The following BCAS3 variants were observed in gnomAD, a reference collection of about 807,000 sequenced individuals.
BCAS3 encodes the protein BCAS4/BCAS3 fusion.
A neutral mutation model predicts 116.1 loss-of-function variants in BCAS3; 53 were observed. That is an observed-to-expected ratio of 0.46 (90% CI 0.37 to 0.57). BCAS3 has a LOEUF of 0.57. Among genes scored for constraint, BCAS3 ranks in the 20% least tolerant of loss-of-function variants. The pLI is 0.00. For missense variants in BCAS3, 917 were observed against 1,165.4 expected, an observed-to-expected ratio of 0.79 and a Z score of 3.10; for synonymous variants, 391 against 408.2, an observed-to-expected ratio of 0.96 and a Z score of 0.51.
chr17:60,851,361 C>G (rs1245264644), intron 7 of BCAS3: 13 of 360,062 alleles, frequency 3.6e-5, no homozygotes, highest in African/African-American at 4.4e-5. Context: ...GCACCTGGCA[C>G]ACGTCCTCCC....
chr17:61,299,442 C>CAA (rs538072648), intron 22 of BCAS3, among the ~76,000 whole-genome samples: 91 of 57,040 alleles, frequency 1.6e-3, no homozygotes, highest in Non-Finnish European at 2.5e-3. Flanking sequence ...GACTCCATCT[C>CAA]AAAAAAAAAA....
rs1223160254 is a variant in BCAS3 at position 61,151,247 on chromosome 17, G to T, written c.2425+66683G>T. 1.3e-5 allele frequency among the ~76,000 whole-genome samples: 2 copies of T among 152,102 alleles called. No individual in the cohort carries two copies. Among genetic ancestry groups the T allele is most frequent in the Non-Finnish European group, 2.9e-5 (2 of 68,000 alleles). The stretch of plus-strand genomic sequence containing the variant: ...TTCATTGGAGGATTTTCGATCTTCA[G>T]ATTAGGGATTCTCAACCAGTAAGTA... On this transcript the variant is annotated intron_variant, in intron 22 of 23. Transcript: ENST00000407086. The surrounding 1 kb of genome is among the most constrained non-coding windows in gnomAD (Gnocchi z 4.8).
intron 5 of BCAS3, among the ~76,000 whole-genome samples, chr17:60,716,463 A>G (rs2038620645): frequency 6.6e-6 from 1 of 152,046 alleles, no homozygotes; most frequent in African/African-American, 2.4e-5. Flanking sequence ...GATTTCTTAA[A>G]TTTTTTCTCT....
chr17:61,046,012 T>A (rs1221967652), intron 19 of BCAS3, among the ~76,000 whole-genome samples: 7 of 9,022 alleles, frequency 7.8e-4, no homozygotes, highest in Non-Finnish European at 8.9e-4. Context: ...ATATATATAT[T>A]TATATATATA....
intron 4 of BCAS3, among the ~76,000 whole-genome samples, chr17:60,693,283 T>G (rs1371430959): frequency 6.6e-6 from 1 of 152,006 alleles, no homozygotes; most frequent in African/African-American, 2.4e-5. Flanking sequence ...GGTGAGAATA[T>G]AGTTTGAATC....
rs897575381 is a variant in BCAS3, at chr17:60,691,719, CT to C, written c.214+1971del. ...CTTAAAGACTTTTCAAATATGAAGCCTTTTTTTTTTTTTAGAGCCACCATCC... is the reference window on the plus strand; with the variant it reads ...CTTAAAGACTTTTCAAATATGAAGCCTTTTTTTTTTTTAGAGCCACCATCC... On this transcript the variant is annotated intron_variant, in intron 4 of 23. Transcript: ENST00000407086. Among the ~76,000 whole-genome samples the C allele has an allele frequency of 4.4e-3, 610 of 139,476 alleles. 1 individual carries two copies. The highest frequency in any genetic ancestry group is 5.3e-3 in the Non-Finnish European group (342 of 64,082). The allele number at this position is 139,476 out of a possible 152,430, so 91.5% of individuals were successfully genotyped here.
At chr17:60,786,689 C>T (rs762480479) in intron 6 of BCAS3, among the ~76,000 whole-genome samples, 6 of 151,970 alleles carry the variant, frequency 3.9e-5, no homozygotes, top group Non-Finnish European at 7.4e-5. Flanking sequence ...GTATGGGAGC[C>T]TGCATGATTG....
intron 7 of BCAS3, among the ~76,000 whole-genome samples, chr17:60,844,636 G>A (rs1412960662): frequency 6.6e-6 from 1 of 152,066 alleles, no homozygotes; most frequent in Non-Finnish European, 1.5e-5. Context: ...AAGGGGGAGG[G>A]CCCTTGTATC....
chr17:61,102,695 T>C (rs2074402262), intron 22 of BCAS3, among the ~76,000 whole-genome samples: 1 of 152,090 alleles, frequency 6.6e-6, no homozygotes, highest in African/African-American at 2.4e-5. Context: ...TTCCCATTTC[T>C]GTAGCTGACT....
In BCAS3 at chr17:60,918,380, C is replaced by A. The variant is rs982301003; in HGVS notation, c.994-6027C>A. On this transcript the variant is annotated intron_variant, in intron 12 of 23. Coordinates refer to ENST00000407086, the MANE Select transcript of BCAS3 (RefSeq NM_017679.5). ...TTGTTATATGCATAGAACGTCTAAT[C>A]ATCAAATCAGGGTATTTAGGATATA... is the stretch of plus-strand genomic sequence containing the variant. Among the ~76,000 whole-genome samples, 5 of 152,106 alleles carry A rather than the reference C, an allele frequency of 3.3e-5. No homozygotes were observed. In the East Asian group the frequency reaches 9.6e-4, roughly 29 times the overall value.
chr17:61,283,323 TTA>T (rs2051407416), intron 22 of BCAS3, among the ~76,000 whole-genome samples: 1 of 152,220 alleles, frequency 6.6e-6, no homozygotes, highest in South Asian at 2.1e-4. Flanking sequence ...GCTAAGTACT[TTA>T]TGTTACGTTT....
At chr17:61,284,186 G>A (rs1392964991) in intron 22 of BCAS3, among the ~76,000 whole-genome samples, 2 of 152,288 alleles carry the variant, frequency 1.3e-5, no homozygotes, top group African/African-American at 2.4e-5. Context: ...TCAGCAGGAT[G>A]TGGGCAGGGC....
intron 22 of BCAS3, among the ~76,000 whole-genome samples, chr17:61,091,134 A>T (rs1212721730): frequency 6.6e-6 from 1 of 152,230 alleles, no homozygotes; most frequent in Non-Finnish European, 1.5e-5. Context: ...TGCTTCTTTG[A>T]ATAAATCTTT....
chr17:61,209,306 C>T (rs2081324644), intron 22 of BCAS3, among the ~76,000 whole-genome samples: 1 of 152,100 alleles, frequency 6.6e-6, no homozygotes, highest in Non-Finnish European at 1.5e-5. Flanking sequence ...ACTTGCTGTC[C>T]TCTTCTGTTG....
intron 19 of BCAS3, among the ~76,000 whole-genome samples, chr17:61,072,807 G>T (rs2071568021): frequency 6.6e-6 from 1 of 151,962 alleles, no homozygotes; most frequent in African/African-American, 2.4e-5. Flanking sequence ...CCTCCTAGCT[G>T]TTACTTATTC....
rs970888074 is a variant in BCAS3 at position 61,325,285 on chromosome 17, G to A, written c.2426-43042G>A. On this transcript the variant is annotated intron_variant, in intron 22 of 23. Coordinates refer to ENST00000407086, the MANE Select transcript of BCAS3 (RefSeq NM_017679.5). The surrounding 1 kb of genome is among the most constrained non-coding windows in gnomAD (Gnocchi z 6.4). ...AGTAACTAACAACCGTACAAATAGC[G>A]CCCTGACCTTTTCATATCTGTGGGG... is the stretch of plus-strand genomic sequence containing the variant. 6.6e-6 allele frequency among the ~76,000 whole-genome samples: 1 copy of A among 152,256 alleles called. No individual in the cohort carries two copies. Among genetic ancestry groups the A allele is most frequent in the East Asian group, 1.9e-4 (1 of 5,192 alleles).
chr17:61,214,718 C>A lies in BCAS3; in HGVS notation c.2425+130154C>A, dbSNP rs185936766. 3.8e-4 allele frequency among the ~76,000 whole-genome samples: 58 copies of A among 152,142 alleles called. No individual in the cohort carries two copies. The highest frequency in any genetic ancestry group is 2.0e-3 in the Admixed American group (30 of 15,270). ...AAAAAAAGAAAAAAAGAAAAAAATTCAAAAACATTTTTTAATGAACTATAG... is the reference window on the plus strand; with the variant it reads ...AAAAAAAGAAAAAAAGAAAAAAATTAAAAAACATTTTTTAATGAACTATAG... On this transcript the variant is annotated intron_variant, in intron 22 of 23. Coordinates refer to ENST00000407086, the MANE Select transcript of BCAS3 (RefSeq NM_017679.5). The surrounding 1 kb of genome is among the most constrained non-coding windows in gnomAD (Gnocchi z 4.4).
intron 8 of BCAS3, among the ~76,000 whole-genome samples, chr17:60,870,790 T>C (rs1409364129): frequency 6.6e-6 from 1 of 152,182 alleles, no homozygotes; most frequent in Non-Finnish European, 1.5e-5. Flanking sequence ...CACTCAGATA[T>C]TGATACAGAA....
rs1044168527 is a variant in BCAS3 at position 60,852,213 on chromosome 17, A to T, written c.477-16363A>T. 2.6e-5 allele frequency among the ~76,000 whole-genome samples: 4 copies of T among 152,114 alleles called. No individual in the cohort carries two copies. In the East Asian group the frequency reaches 7.7e-4, roughly 29 times the overall value. ...TTAGTTACATATGTATACATGTGCC[A>T]TGTTGGTGTGCTGCACCCATGTTGT... On this transcript the variant is annotated intron_variant, in intron 7 of 23. Transcript: ENST00000407086.
Sources: gnomAD v4.1 joint callset for allele counts (sites outside exome capture counted in the v4.1 genomes callset) on GRCh38, gnomAD v4.1.1 for gene constraint, Gnocchi (gnomAD v3.1) non-coding constraint, MANE v1.5 for transcripts, NCBI Gene and HGNC (gene_info 2026-07-23, HGNC 2026-07-21) for gene names.